Variants in DPP10 observed in about 807,000 individuals in gnomAD.
DPP10 encodes dipeptidyl peptidase like 10, also known as inactive dipeptidyl peptidase 10.
A neutral mutation model predicts 120.9 loss-of-function variants in DPP10; 33 were observed. The observed-to-expected ratio is 0.27, with a 90% CI of 0.21 to 0.37. The LOEUF is 0.37. Ranked by LOEUF, DPP10 falls within the 10% of genes least tolerant of loss-of-function variation. The pLI, the probability that DPP10 is intolerant of heterozygous loss-of-function variation, is 1.00. For synonymous variants in DPP10, 337 were observed against 326.1 expected (o/e 1.03, Z -0.36); for missense variants, 816 against 942.8 (o/e 0.87, Z 1.76).
intron 1 of DPP10, among the ~76,000 whole-genome samples, chr2:115,186,454 G>A (rs995217789): frequency 6.6e-6 from 1 of 152,204 alleles, no homozygotes; most frequent in Non-Finnish European, 1.5e-5. Context: ...AGAGCATGCA[G>A]TCAATGCTCT....
intron 1 of DPP10, among the ~76,000 whole-genome samples, chr2:114,640,374 T>C (rs1695615753): frequency 6.6e-6 from 1 of 151,972 alleles, no homozygotes; most frequent in Non-Finnish European, 1.5e-5. Context: ...CTTATCTTCC[T>C]TGCCCATTTT....
chr2:115,827,421 T>A lies in DPP10; in HGVS notation c.1951-8736T>A, dbSNP rs570837513. ...GTGTGTGTATGTGTGTGTGTATATA[T>A]ATATATATATATATATATATATATA... On this transcript the variant is annotated intron_variant, in intron 21 of 25. Coordinates refer to ENST00000410059, the MANE Select transcript of DPP10 (RefSeq NM_020868.6). Among the ~76,000 whole-genome samples the A allele has an allele frequency of 2.6e-3, 352 of 137,232 alleles. 3 individuals carry two copies. The highest frequency in any genetic ancestry group is 9.4e-3 in the African/African-American group (341 of 36,126). 90.0% of individuals were successfully genotyped at this position (137,232 alleles called of 152,430 possible).
intron 1 of DPP10, among the ~76,000 whole-genome samples, chr2:114,491,510 A>G (rs147357646): frequency 6.6e-6 from 1 of 152,328 alleles, no homozygotes; most frequent in Non-Finnish European, 1.5e-5. Context: ...TATAGGCTCA[A>G]CAGCCCAACT....
At chr2:115,586,673 GTTTTGT>G (rs1396910004) in intron 5 of DPP10, among the ~76,000 whole-genome samples, 10 of 151,868 alleles carry the variant, frequency 6.6e-5, no homozygotes, top group Middle Eastern at 6.8e-3. Flanking sequence ...GATGCTTTTT[GTTTTGT>G]TTTTGTTTTT....
intron 1 of DPP10, among the ~76,000 whole-genome samples, chr2:114,876,428 A>G (rs1385680563): frequency 6.6e-6 from 1 of 152,114 alleles, no homozygotes; most frequent in Non-Finnish European, 1.5e-5. Context: ...AGCAAATTGG[A>G]CAAGCTCTCT....
At chr2:115,159,463 T>C (rs2052138102) in intron 1 of DPP10, among the ~76,000 whole-genome samples, 1 of 152,210 alleles carries the variant, frequency 6.6e-6, no homozygotes, top group African/African-American at 2.4e-5. Context: ...ATTTCTTGTT[T>C]GGACGTTAGA....
At chr2:115,527,808 A>G (rs2078221403) in intron 5 of DPP10, among the ~76,000 whole-genome samples, 2 of 152,158 alleles carry the variant, frequency 1.3e-5, no homozygotes, top group Non-Finnish European at 2.9e-5. Flanking sequence ...AAACTACAAT[A>G]GAATATCACT....
chr2:114,752,774 C>A (rs1194613503), intron 1 of DPP10, among the ~76,000 whole-genome samples: 1 of 152,196 alleles, frequency 6.6e-6, no homozygotes, highest in Non-Finnish European at 1.5e-5. Context: ...GAATGACACC[C>A]CTGTTTTACT....
intron 1 of DPP10, among the ~76,000 whole-genome samples, chr2:114,705,685 GATAAAA>G (rs2105838622): frequency 1.3e-5 from 2 of 152,182 alleles, no homozygotes; most frequent in South Asian, 4.1e-4. Flanking sequence ...ATGTATAAAT[GATAAAA>G]ATAAAAAGAG....
intron 1 of DPP10, among the ~76,000 whole-genome samples, chr2:114,846,509 C>T (rs576421703): frequency 6.6e-6 from 1 of 152,030 alleles, no homozygotes; most frequent in South Asian, 2.1e-4. Flanking sequence ...TTCTCTTCCA[C>T]AACATAGACC....
intron 3 of DPP10, among the ~76,000 whole-genome samples, chr2:115,436,690 A>G (rs1192403390): frequency 1.3e-5 from 2 of 151,946 alleles, no homozygotes; most frequent in Admixed American, 1.3e-4. Flanking sequence ...AAAAACAACA[A>G]TAATGAAAAA....
At chr2:115,473,846 C>A (rs1023188918) in intron 3 of DPP10, among the ~76,000 whole-genome samples, 1 of 152,144 alleles carries the variant, frequency 6.6e-6, no homozygotes, top group Non-Finnish European at 1.5e-5. Context: ...CATTACATAG[C>A]AATGACTGGA....
At chr2:114,479,340 G>C (rs1053143130) in intron 1 of DPP10, among the ~76,000 whole-genome samples, 1 of 151,488 alleles carries the variant, frequency 6.6e-6, no homozygotes. Context: ...CTGTTTTAAG[G>C]CTTACTGTAT....
intron 1 of DPP10, among the ~76,000 whole-genome samples, chr2:114,840,529 A>C (rs1688075827): frequency 6.6e-6 from 1 of 152,142 alleles, no homozygotes; most frequent in African/African-American, 2.4e-5. Context: ...ACCCCCCAAA[A>C]CTTAAGAAAG....
intron 1 of DPP10, among the ~76,000 whole-genome samples, chr2:114,764,946 A>G (rs1351693241): frequency 6.6e-6 from 1 of 152,172 alleles, no homozygotes; most frequent in African/African-American, 2.4e-5. Context: ...AGGCTATTGT[A>G]ATATGCCACA....
At chr2:115,508,154 C>G (rs116332011) in intron 4 of DPP10, among the ~76,000 whole-genome samples, 1,743 of 152,028 alleles carry the variant, frequency 0.011, 28 homozygotes, top group African/African-American at 0.039. Context: ...TTTTTAGAAG[C>G]CTGGTTGAAA....
intron 7 of DPP10, among the ~76,000 whole-genome samples, chr2:115,695,721 C>T (rs1356844835): frequency 2.6e-5 from 4 of 151,828 alleles, no homozygotes; most frequent in Non-Finnish European, 5.9e-5. Flanking sequence ...TCCAGAGATA[C>T]CAAAATTATT....
At chr2:115,163,749 A>G (rs185771350) in intron 1 of DPP10, among the ~76,000 whole-genome samples, 96 of 152,284 alleles carry the variant, frequency 6.3e-4, no homozygotes, top group Admixed American at 6.1e-3. Flanking sequence ...GAGTCCCCAC[A>G]TGAAATCTTT....
At chr2:114,491,306 A>G (rs1381993200) in intron 1 of DPP10, among the ~76,000 whole-genome samples, 2 of 152,188 alleles carry the variant, frequency 1.3e-5, no homozygotes, top group South Asian at 2.1e-4. Flanking sequence ...TCATAACATA[A>G]TCTTTGGAAT....
Sources: gnomAD v4.1 joint callset for allele counts (sites outside exome capture counted in the v4.1 genomes callset) on GRCh38, gnomAD v4.1.1 for gene constraint, MANE v1.5 for transcripts, NCBI Gene and HGNC (gene_info 2026-07-23, HGNC 2026-07-21) for gene names.